OTUD5: variants seen among roughly 807,000 people sequenced by gnomAD.
OTUD5 encodes the protein OTU domain-containing protein 5.
Under a neutral mutation model 36.3 loss-of-function variants are expected in OTUD5, and 2 were observed. The observed-to-expected ratio is 0.06, with a 90% CI of 0.02 to 0.17. The LOEUF is 0.17. Ranked by LOEUF, OTUD5 falls within the 10% of genes least tolerant of loss-of-function variation. OTUD5 has a pLI of 1.00. For synonymous variants in OTUD5, 234 were observed against 214.9 expected, an observed-to-expected ratio of 1.09 and a Z score of -0.78; for missense variants, 233 against 512.3, an observed-to-expected ratio of 0.45 and a Z score of 5.26.
upstream of OTUD5, chrX:48,957,740 C>A (rs1456338951): frequency 1.5e-5 from 12 of 778,070 alleles, no homozygotes; most frequent in Non-Finnish European, 1.7e-5. Flanking sequence ...GCGGCGGCGG[C>A]GGCGGCGGCG....
chrX:48,934,938 G>T lies in OTUD5; in HGVS notation c.753+16C>A. The T allele has an allele frequency of 8.3e-7, 1 of 1,208,269 alleles. No individual in the cohort carries two copies. The highest frequency in any genetic ancestry group is 1.1e-6 in the Non-Finnish European group (1 of 892,232). On this transcript the variant is annotated intron_variant, in intron 3 of 8. Transcript: ENST00000376488. ...CTCCCACCCTGCCCCTTCCCCAAAG[G>T]CCTCCATTTTCTCACCAGATAGTCC... is the stretch of plus-strand genomic sequence containing the variant.
chrX:48,941,426 C>A (rs1228914859), intron 2 of OTUD5, among the ~76,000 whole-genome samples: 2 of 56,946 alleles, frequency 3.5e-5, no homozygotes, highest in Non-Finnish European at 2.8e-5. Context: ...GAGGGAGACT[C>A]CATCTCAAAA....
chrX:48,943,287 G>A (rs1218625471), intron 2 of OTUD5, among the ~76,000 whole-genome samples: 2 of 111,668 alleles, frequency 1.8e-5, no homozygotes, highest in African/African-American at 6.5e-5. Context: ...GAGCCAAAAT[G>A]GCCTCAAAGA....
chrX:48,945,635 C>T (rs2064014696), intron 1 of OTUD5, among the ~76,000 whole-genome samples: 2 of 110,608 alleles, frequency 1.8e-5, no homozygotes, highest in African/African-American at 3.3e-5. Context: ...TCTATTTATC[C>T]CACTTGGGGT....
At position 48,944,191 on chromosome X, in the gene OTUD5, T is replaced by A. The variant is rs1569515670; in HGVS notation, c.687A>T (p.Val229=). The A allele has an allele frequency of 1.7e-6, 2 of 1,194,362 alleles. No individual in the cohort carries two copies. The highest frequency in any genetic ancestry group is 3.0e-5 in the East Asian group (1 of 33,688). ...KEDGACLFRA[V]ADQVYGDQDM... is the part of the protein sequence containing the mutation. ...TTAAGGACTAAGGCAGAGACTCACC[T>A]ACAGCCCGGAAGAGACAGGCGCCAT... Residue 229 remains valine (V), a splice_region_variant and synonymous_variant, in exon 2 of 9, where the codon GTA becomes GTT. Transcript: ENST00000376488.
intron 1 of OTUD5, among the ~76,000 whole-genome samples, chrX:48,944,523 C>T (rs1557051912): frequency 8.9e-6 from 1 of 112,087 alleles, no homozygotes; most frequent in Admixed American, 9.4e-5. Flanking sequence ...GAACAGTGGC[C>T]CCATATGCCT....
At chrX:48,934,336 T>C in intron 5 of OTUD5, 128 bp downstream of exon 5, 1 of 454,903 alleles carries the variant, frequency 2.2e-6, no homozygotes, top group Non-Finnish European at 3.5e-6. Flanking sequence ...TTTTTTTTTT[T>C]TGTAAGGGTG....
At chrX:48,955,796 A>G (rs1557055070) in intron 1 of OTUD5, among the ~76,000 whole-genome samples, 1 of 111,278 alleles carries the variant, frequency 9.0e-6, no homozygotes, top group African/African-American at 3.3e-5. Context: ...TCAGTTCCTT[A>G]TAATTGGGGT....
chrX:48,950,134 C>CAAA (rs782788886), intron 1 of OTUD5, among the ~76,000 whole-genome samples: 1 of 47,109 alleles, frequency 2.1e-5, no homozygotes, highest in African/African-American at 7.1e-5. Flanking sequence ...GATTCCACCT[C>CAAA]AAAAAAAAAA....
chrX:48,942,299 T>TACACACACACACACACACACAC (rs61325018), intron 2 of OTUD5, among the ~76,000 whole-genome samples: 43 of 55,020 alleles, frequency 7.8e-4, no homozygotes, highest in Non-Finnish European at 1.3e-3. Context: ...GCTAGCTAGA[T>TACACACACACACACACACACAC]ACACACACAC....
Position 48,923,803 on chromosome X carries a change from G to GACCCAGT in OTUD5, c.1465+47_1465+48insACTGGGT. Reference sequence around the variant, plus strand: ...CCAGGATCCAGGACCCAGGACCCAGGACGTGCCTCCTAACTCCCAGCACAT... The same window carrying GACCCAGT: ...CCAGGATCCAGGACCCAGGACCCAGGACCCAGTACGTGCCTCCTAACTCCCAGCACAT... On this transcript the variant is annotated intron_variant, in intron 7 of 8. Coordinates refer to ENST00000376488, the MANE Select transcript of OTUD5 (RefSeq NM_001136157.2). The GACCCAGT allele has an allele frequency of 5.0e-6, 6 of 1,189,526 alleles. No individual in the cohort carries two copies. The East Asian group carries it at 1.8e-4, about 35-fold the overall frequency.
chrX:48,943,385 G>A lies in OTUD5; in HGVS notation c.688+805C>T, dbSNP rs1020356569. 2.0e-4 allele frequency among the ~76,000 whole-genome samples: 22 copies of A among 112,116 alleles called. No homozygotes were observed. In the East Asian group the frequency reaches 4.7e-3, roughly 24 times the overall value. ...GGCATTTTGATTATGTTAAAAAGAA[G>A]AGAGTAAGTCTGTATCTGTCAGAGA... On this transcript the variant is annotated intron_variant, in intron 2 of 8. Transcript: ENST00000376488.
Position 48,957,055 on chromosome X carries a change from G to T in OTUD5, c.516C>A (p.Gly172=), listed in dbSNP as rs782733832. The change falls in exon 1 of 9, where the codon GGC becomes GGA. Residue 172 remains glycine, a synonymous_variant. Coordinates refer to ENST00000376488, the MANE Select transcript of OTUD5 (RefSeq NM_001136157.2). ...GGGSPEREEV[G]AGYNSEDEYE... ...ACTCGTCCTCACTGTTGTAGCCTGC[G>T]CCGACCTCCTCACGCTCGGGACTGC... The T allele has an allele frequency of 1.7e-6, 2 of 1,195,955 alleles. No homozygotes were observed. The highest frequency in any genetic ancestry group is 2.3e-4 in the Middle Eastern group (1 of 4,340).
Position 48,922,892 on chromosome X carries a change from G to A in OTUD5, c.*282C>T. ...TCTGTGTGCCTCTTGTCTATCTTCG[G>A]CACCCTTGCCCGAGTCCCCTGTGGA... is the stretch of plus-strand genomic sequence containing the variant. On this transcript the variant is annotated 3_prime_UTR_variant, in exon 9 of 9. Coordinates refer to ENST00000376488, the MANE Select transcript of OTUD5 (RefSeq NM_001136157.2). 1 of 943,774 alleles carries A rather than the reference G, an allele frequency of 1.1e-6. No homozygotes were observed. The allele number at this position is 943,774 out of a possible 1,213,427, so 77.8% of individuals were successfully genotyped here. A position where few individuals can be genotyped will look rare whatever the true frequency, so the allele number is the denominator to read the frequency against.
At chrX:48,941,855 T>C (rs1557051115) in intron 2 of OTUD5, among the ~76,000 whole-genome samples, 5 of 111,606 alleles carry the variant, frequency 4.5e-5, no homozygotes, top group Non-Finnish European at 1.9e-5. Context: ...GGCACATGTA[T>C]TATGCACTCT....
chrX:48,946,917 G>C lies in OTUD5; in HGVS notation c.595-2634C>G, dbSNP rs782427227. Among the ~76,000 whole-genome samples the C allele has an allele frequency of 9.0e-4, 101 of 112,566 alleles. 1 individual carries two copies. Among genetic ancestry groups the C allele is most frequent in the African/African-American group, 3.2e-3 (98 of 31,074 alleles). On this transcript the variant is annotated intron_variant, in intron 1 of 8. Coordinates refer to ENST00000376488, the MANE Select transcript of OTUD5 (RefSeq NM_001136157.2). ...TTATCCATTCAAGAAAGACTTACCAGGTAGCTACTAAGTAAGATACTGGGC... is the reference window on the plus strand; with the variant it reads ...TTATCCATTCAAGAAAGACTTACCACGTAGCTACTAAGTAAGATACTGGGC...
rs782691480 is a variant in OTUD5, at chrX:48,951,564, A to G, written c.594+5413T>C. Among the ~76,000 whole-genome samples the G allele has an allele frequency of 2.3e-4, 25 of 110,284 alleles. No individual in the cohort carries two copies. In the South Asian group the frequency reaches 7.7e-3, roughly 34 times the overall value. ...TGGGAGGTGGAGGTTGCAGTGAGCC[A>G]AGATCGCGCCACTACACTCCAGCCT... On this transcript the variant is annotated intron_variant, in intron 1 of 8. Coordinates refer to ENST00000376488, the MANE Select transcript of OTUD5 (RefSeq NM_001136157.2).
intron 1 of OTUD5, among the ~76,000 whole-genome samples, chrX:48,950,614 C>T (rs1557053599): frequency 3.0e-5 from 3 of 101,089 alleles, no homozygotes; most frequent in African/African-American, 1.1e-4. Context: ...GCAATCTCAG[C>T]TTACTGCAAC....
intron 1 of OTUD5, among the ~76,000 whole-genome samples, chrX:48,952,488 T>C (rs2064165095): frequency 8.9e-6 from 1 of 112,421 alleles, no homozygotes; most frequent in African/African-American, 3.2e-5. Flanking sequence ...CTCATTAAAG[T>C]TGTTAAAAGA....
Sources: gnomAD v4.1 joint callset for allele counts (sites outside exome capture counted in the v4.1 genomes callset) on GRCh38, gnomAD v4.1.1 for gene constraint, MANE v1.5 for transcripts, NCBI Gene and HGNC (gene_info 2026-07-23, HGNC 2026-07-21) for gene names.